The following SUGCT variants were observed in gnomAD, a reference collection of about 807,000 sequenced individuals.
SUGCT encodes the protein succinyl-CoA:glutarate CoA-transferase.
A neutral mutation model predicts 55.0 loss-of-function variants in SUGCT; 41 were observed. The ratio of observed to expected loss-of-function variants is 0.74; its 90% CI spans 0.58 to 0.97. The LOEUF is 0.97. Among genes scored for constraint, SUGCT ranks in the 50% least tolerant of loss-of-function variants. The pLI is 0.00. For synonymous variants in SUGCT, 187 were observed against 200.4 expected (o/e 0.93, Z 0.56); for missense variants, 568 against 547.8 (o/e 1.04, Z -0.37).
intron 1 of SUGCT, among the ~76,000 whole-genome samples, chr7:40,140,811 T>G (rs913565954): frequency 6.6e-6 from 1 of 152,234 alleles, no homozygotes; most frequent in African/African-American, 2.4e-5. Context: ...TTCTTTTTAC[T>G]TGGGATATTT....
chr7:40,174,878 G>A (rs1358359890), intron 1 of SUGCT, among the ~76,000 whole-genome samples: 2 of 152,138 alleles, frequency 1.3e-5, no homozygotes, highest in East Asian at 1.9e-4. Flanking sequence ...ATTCCACAAT[G>A]TATGAAAGTG....
At chr7:40,140,445 G>A (rs1787923403) in intron 1 of SUGCT, among the ~76,000 whole-genome samples, 1 of 152,150 alleles carries the variant, frequency 6.6e-6, no homozygotes, top group Admixed American at 6.5e-5. Flanking sequence ...CTGTTGCCCA[G>A]GCTGGAGTGC....
intron 12 of SUGCT, among the ~76,000 whole-genome samples, chr7:40,703,313 C>T (rs902302577): frequency 2.6e-5 from 4 of 152,010 alleles, no homozygotes; most frequent in Non-Finnish European, 4.4e-5. Context: ...AGGTGGTGGT[C>T]GGGGTCCTTG....
At chr7:40,465,721 G>A (rs910059619) in intron 11 of SUGCT, among the ~76,000 whole-genome samples, 2 of 152,080 alleles carry the variant, frequency 1.3e-5, no homozygotes, top group Non-Finnish European at 2.9e-5. Flanking sequence ...AATTGGACCT[G>A]GAACATTTCT....
chr7:40,644,986 A>G (rs1800434095), intron 12 of SUGCT, among the ~76,000 whole-genome samples: 1 of 152,114 alleles, frequency 6.6e-6, no homozygotes, highest in Admixed American at 6.5e-5. Flanking sequence ...ATACATTTCA[A>G]CATGCTTCCC....
intron 9 of SUGCT, among the ~76,000 whole-genome samples, chr7:40,383,614 A>G: frequency 6.6e-6 from 1 of 152,250 alleles, no homozygotes; most frequent in East Asian, 1.9e-4. Flanking sequence ...TTTAGAGAGT[A>G]ACATGATAGA....
At chr7:40,271,143 A>G (rs1256861640) in intron 7 of SUGCT, among the ~76,000 whole-genome samples, 1 of 152,248 alleles carries the variant, frequency 6.6e-6, no homozygotes, top group Admixed American at 6.5e-5. Context: ...GCAAATTGAG[A>G]TAGTTTTACT....
intron 8 of SUGCT, among the ~76,000 whole-genome samples, chr7:40,295,043 A>G (rs967895852): frequency 2.6e-5 from 4 of 152,224 alleles, no homozygotes; most frequent in Non-Finnish European, 5.9e-5. Context: ...TGAAATGTGT[A>G]ACAGATATAC....
the SUGCT span, among the ~76,000 whole-genome samples, chr7:40,880,575 AAAAAGTTATGATC>A: frequency 1.3e-5 from 2 of 152,248 alleles, no homozygotes; most frequent in Non-Finnish European, 2.9e-5. Flanking sequence ...TAAAAGTAAT[AAAAAGTTATGATC>A]AAAATGCCAT....
At chr7:40,895,872 T>C in the SUGCT span, among the ~76,000 whole-genome samples, 1 of 152,166 alleles carries the variant, frequency 6.6e-6, no homozygotes, top group African/African-American at 2.4e-5. Flanking sequence ...AAACCACATA[T>C]GATAATCTAA....
downstream of SUGCT, among the ~76,000 whole-genome samples, chr7:40,865,391 A>G (rs148721861): frequency 6.2e-4 from 95 of 152,254 alleles, no homozygotes; most frequent in African/African-American, 1.9e-3. Flanking sequence ...CTCTTTAATA[A>G]CTAGCTGCCA....
chr7:40,439,864 G>A (rs1022049429), intron 9 of SUGCT, among the ~76,000 whole-genome samples: 5 of 152,102 alleles, frequency 3.3e-5, no homozygotes, highest in African/African-American at 1.2e-4. Flanking sequence ...CAGTTATGGA[G>A]TCCGTGATTC....
chr7:40,216,216 A>G (rs1279075983), intron 6 of SUGCT, among the ~76,000 whole-genome samples: 1 of 151,840 alleles, frequency 6.6e-6, no homozygotes, highest in East Asian at 1.9e-4. Flanking sequence ...AGAAAGCAAG[A>G]TGGGGCTGGG....
At chr7:40,285,837 G>C (rs961838724) in intron 8 of SUGCT, among the ~76,000 whole-genome samples, 5 of 152,136 alleles carry the variant, frequency 3.3e-5, no homozygotes, top group African/African-American at 1.2e-4. Context: ...GTTACCTGGA[G>C]AGCTTAGCAA....
rs539681548 is a variant in SUGCT, at chr7:40,657,826, G to A, written c.1090-91608G>A. On this transcript the variant is annotated intron_variant, in intron 12 of 13. Transcript: ENST00000335693. ...TGGAATTACAGGCCTGAGCCACTGCGCCCGGCCATGAAGTAGATTTTATAA... is the reference window on the plus strand; with the variant it reads ...TGGAATTACAGGCCTGAGCCACTGCACCCGGCCATGAAGTAGATTTTATAA... Among the ~76,000 whole-genome samples, 202 of 152,268 alleles carry A rather than the reference G, an allele frequency of 1.3e-3. 1 individual carries two copies. The highest frequency in any genetic ancestry group is 1.3e-3 in the African/African-American group (55 of 41,542).
intron 11 of SUGCT, among the ~76,000 whole-genome samples, chr7:40,480,875 C>T (rs1790994318): frequency 6.6e-6 from 1 of 152,078 alleles, no homozygotes; most frequent in African/African-American, 2.4e-5. Flanking sequence ...AATTTATACA[C>T]ACATACATAC....
chr7:40,697,734 T>C (rs1784996945), intron 12 of SUGCT, among the ~76,000 whole-genome samples: 1 of 152,188 alleles, frequency 6.6e-6, no homozygotes, highest in South Asian at 2.1e-4. Flanking sequence ...AAGCAGGCAG[T>C]GTGTTAGCTA....
chr7:40,670,191 A>AAAGAAG (rs1005001390), intron 12 of SUGCT, among the ~76,000 whole-genome samples: 2 of 148,784 alleles, frequency 1.3e-5, no homozygotes, highest in Admixed American at 6.7e-5. Flanking sequence ...AAAAAAAAAA[A>AAAGAAG]AAGAAGAAGA....
intron 12 of SUGCT, among the ~76,000 whole-genome samples, chr7:40,726,384 A>T (rs992806411): frequency 6.6e-6 from 1 of 152,212 alleles, no homozygotes; most frequent in African/African-American, 2.4e-5. Context: ...GAAGTGGATT[A>T]TCATAAAGGT....
Sources: allele counts gnomAD v4.1 joint callset (sites outside exome capture counted in the v4.1 genomes callset), GRCh38; gene constraint gnomAD v4.1.1; transcripts MANE v1.5; gene names NCBI Gene and HGNC (gene_info 2026-07-23, HGNC 2026-07-21).